The following PRKG2 variants were observed in gnomAD, a reference collection of about 807,000 sequenced individuals.
The protein encoded by PRKG2 is protein kinase cGMP-dependent 2.
PRKG2 carries 33 observed loss-of-function variants against 97.2 expected under a neutral mutation model. The observed-to-expected ratio is 0.34, with a 90% CI of 0.26 to 0.45. The LOEUF (loss-of-function observed/expected upper bound fraction) is 0.45, where lower values mean the gene tolerates loss of function less well. Among genes scored for constraint, PRKG2 ranks in the 20% least tolerant of loss-of-function variants. The pLI is 1.00. For synonymous variants in PRKG2, 330 were observed against 321.8 expected (o/e 1.03, Z -0.27); for missense variants, 638 against 900.0 (o/e 0.71, Z 3.73).
At chr4:81,214,873 C>T in intron 1 of PRKG2, 63 bp downstream of exon 1, 1 of 152,522 alleles carries the variant, frequency 6.6e-6, no homozygotes, top group Non-Finnish European at 1.5e-5. Flanking sequence ...CGCACCCCGA[C>T]CCCGTCCCTC....
At chr4:81,200,901 T>C (rs1753265534) in intron 2 of PRKG2, among the ~76,000 whole-genome samples, 1 of 152,192 alleles carries the variant, frequency 6.6e-6, no homozygotes, top group Non-Finnish European at 1.5e-5. Context: ...CTGCATGGTT[T>C]TGATGATCTA....
intron 9 of PRKG2, 60 bp from the exon 10 acceptor site, chr4:81,144,390 T>C: frequency 7.4e-7 from 1 of 1,352,060 alleles, no homozygotes; most frequent in Admixed American, 1.7e-5. Context: ...CAACTTGACA[T>C]TCTTCTAAGC....
chr4:81,138,543 TTATG>T (rs1746944709), intron 12 of PRKG2, among the ~76,000 whole-genome samples: 1 of 152,266 alleles, frequency 6.6e-6, no homozygotes, highest in East Asian at 1.9e-4. Flanking sequence ...TTACATATTA[TTATG>T]TATATTATTG....
intron 6 of PRKG2, among the ~76,000 whole-genome samples, chr4:81,165,697 C>T (rs1054359516): frequency 6.6e-6 from 1 of 152,056 alleles, no homozygotes; most frequent in East Asian, 1.9e-4. Context: ...AAATCCTTTC[C>T]AGGGTGTTTG....
At position 81,115,329 on chromosome 4, in the gene PRKG2, G is replaced by A. The variant is rs752800768; in HGVS notation, c.1777-4718C>T. ...TATAAAATCACTGTGGTCTTAACTTGCCTTTCCTCCACTAATAGTTTGAGT... is the reference window on the plus strand; with the variant it reads ...TATAAAATCACTGTGGTCTTAACTTACCTTTCCTCCACTAATAGTTTGAGT... On this transcript the variant is annotated intron_variant, in intron 14 of 18. Transcript: ENST00000264399. Among the ~76,000 whole-genome samples the A allele has an allele frequency of 4.9e-4, 74 of 152,132 alleles. 2 individuals are homozygous for A. Among genetic ancestry groups the A allele is most frequent in the Non-Finnish European group, 9.0e-4 (61 of 68,000 alleles).
chr4:81,180,091 C>A (rs943059063), intron 2 of PRKG2, among the ~76,000 whole-genome samples: 6 of 151,922 alleles, frequency 3.9e-5, no homozygotes, highest in Admixed American at 3.3e-4. Context: ...TGAGATCGCA[C>A]CATTGCACTC....
At chr4:81,159,365 T>C (rs945866958) in intron 6 of PRKG2, among the ~76,000 whole-genome samples, 2 of 152,084 alleles carry the variant, frequency 1.3e-5, no homozygotes, top group Admixed American at 6.5e-5. Context: ...AAAATGCTCA[T>C]CATCACTGGC....
At chr4:81,188,137 A>C (rs1372814212) in intron 2 of PRKG2, among the ~76,000 whole-genome samples, 1 of 152,172 alleles carries the variant, frequency 6.6e-6, no homozygotes, top group Non-Finnish European at 1.5e-5. Flanking sequence ...ACAAAGGGCT[A>C]ATTTCCAGAA....
At chr4:81,135,391 C>T in intron 13 of PRKG2, 95 bp from the exon 14 acceptor site, 1 of 1,292,366 alleles carries the variant, frequency 7.7e-7, no homozygotes, top group Non-Finnish European at 1.1e-6. Context: ...CAGGTTTATG[C>T]AATATAAATA....
intron 14 of PRKG2, among the ~76,000 whole-genome samples, chr4:81,127,487 G>A (rs143799547): frequency 1.8e-4 from 28 of 152,202 alleles, no homozygotes; most frequent in South Asian, 8.3e-4. Flanking sequence ...TTTTCTATTC[G>A]TTTGTGTCCT....
intron 2 of PRKG2, among the ~76,000 whole-genome samples, chr4:81,185,586 CAGCTAG>C (rs1751806291): frequency 6.6e-6 from 1 of 152,146 alleles, no homozygotes; most frequent in African/African-American, 2.4e-5. Flanking sequence ...GCAAAATAAC[CAGCTAG>C]CATCATGACT....
chr4:81,205,206 GA>G (rs58414299), intron 1 of PRKG2, 146 bp from the exon 2 acceptor site: 142,604 of 459,836 alleles, frequency 0.31, 7,334 homozygotes, highest in African/African-American at 0.41. Context: ...GAAGTTTCCA[GA>G]AAAAAAAAAA....
intron 12 of PRKG2, among the ~76,000 whole-genome samples, chr4:81,138,367 C>T (rs1054882348): frequency 4.6e-5 from 7 of 152,124 alleles, no homozygotes; most frequent in South Asian, 2.1e-4. Flanking sequence ...GTAGAACAGC[C>T]GTATCATACA....
At chr4:81,174,330 T>C (rs1409484164) in intron 3 of PRKG2, among the ~76,000 whole-genome samples, 1 of 152,106 alleles carries the variant, frequency 6.6e-6, no homozygotes, top group African/African-American at 2.4e-5. Context: ...GTGCATTTCT[T>C]AAAATGTTAA....
At chr4:81,207,327 G>A (rs182564410) in intron 1 of PRKG2, among the ~76,000 whole-genome samples, 16 of 152,282 alleles carry the variant, frequency 1.1e-4, no homozygotes, top group Non-Finnish European at 2.2e-4. Context: ...AGAAAGAAGG[G>A]AGATGTGATG....
intron 13 of PRKG2, among the ~76,000 whole-genome samples, chr4:81,136,970 GC>G (rs1174187309): frequency 6.6e-6 from 1 of 152,080 alleles, no homozygotes; most frequent in African/African-American, 2.4e-5. Flanking sequence ...TTTTAATTGT[GC>G]AAAAATCACC....
intron 14 of PRKG2, among the ~76,000 whole-genome samples, chr4:81,128,743 T>G (rs1560561941): frequency 6.6e-6 from 1 of 152,052 alleles, no homozygotes; most frequent in Non-Finnish European, 1.5e-5. Flanking sequence ...GTCTGGCTAG[T>G]GGTCTATTTT....
intron 2 of PRKG2, among the ~76,000 whole-genome samples, chr4:81,179,565 G>A (rs1389760746): frequency 6.6e-6 from 1 of 152,102 alleles, no homozygotes; most frequent in Non-Finnish European, 1.5e-5. Context: ...GATGTTAGAA[G>A]GAAGAAAGAG....
upstream of PRKG2, chr4:81,215,235 C>CAGGG (rs1298382787): frequency 1.1e-4 from 17 of 152,248 alleles, no homozygotes; most frequent in African/African-American, 4.1e-4. Context: ...AGGAGACACG[C>CAGGG]AGGGAGGGAG....
Sources: gnomAD v4.1 joint callset for allele counts (sites outside exome capture counted in the v4.1 genomes callset) on GRCh38, gnomAD v4.1.1 for gene constraint, MANE v1.5 for transcripts, NCBI Gene and HGNC (gene_info 2026-07-23, HGNC 2026-07-21) for gene names.